Variants in COXFA4 observed in about 807,000 individuals in gnomAD.
COXFA4 encodes the protein cytochrome c oxidase subunit FA4.
At chr7:10,934,797 CAG>C in the COXFA4 span, among the ~76,000 whole-genome samples, 1 of 152,252 alleles carries the variant, frequency 6.6e-6, no homozygotes, top group East Asian at 1.9e-4. Flanking sequence ...CAGACAGATA[CAG>C]ACTTTTATGG....
the COXFA4 span, chr7:10,939,920 T>A: frequency 7.3e-7 from 1 of 1,369,722 alleles, no homozygotes; most frequent in Admixed American, 1.7e-5. Flanking sequence ...GGACGGTAAG[T>A]GGCTGTAAAT....
the COXFA4 span, chr7:10,933,651 T>G: frequency 6.2e-7 from 1 of 1,610,750 alleles, no homozygotes; most frequent in South Asian, 1.1e-5. Context: ...AATCTGGACG[T>G]TCCTTCTTCA....
the COXFA4 span, chr7:10,939,893 G>A: frequency 3.7e-6 from 4 of 1,072,790 alleles, no homozygotes; most frequent in Non-Finnish European, 5.8e-6. Context: ...ACTAGGCGAG[G>A]CAGGGTCTGG....
chr7:10,938,059 C>T, the COXFA4 span: 1 of 1,594,994 alleles, frequency 6.3e-7, no homozygotes, highest in Non-Finnish European at 8.6e-7. Context: ...AACACAATTT[C>T]TAACAACTTT....
chr7:10,933,827 T>A, the COXFA4 span: 2 of 671,256 alleles, frequency 3.0e-6, no homozygotes, highest in Non-Finnish European at 5.1e-6. Context: ...TTTAACAACA[T>A]AAAATCATTC....
the COXFA4 span, chr7:10,937,740 A>G: frequency 4.0e-6 from 1 of 251,692 alleles, no homozygotes; most frequent in African/African-American, 2.2e-5. Context: ...GCCCCACAAA[A>G]GACCAGCTGA....
the COXFA4 span, among the ~76,000 whole-genome samples, chr7:10,934,922 C>A: frequency 6.6e-6 from 1 of 152,218 alleles, no homozygotes; most frequent in Non-Finnish European, 1.5e-5. Flanking sequence ...ACTACTTGTG[C>A]TATCCTCTAA....
the COXFA4 span, among the ~76,000 whole-genome samples, chr7:10,934,988 G>C: frequency 6.6e-6 from 1 of 152,232 alleles, no homozygotes; most frequent in Non-Finnish European, 1.5e-5. Flanking sequence ...TATATATTAA[G>C]GACAGGAAAA....
the COXFA4 span, chr7:10,933,389 T>C: frequency 6.7e-6 from 3 of 447,766 alleles, no homozygotes; most frequent in Non-Finnish European, 1.2e-5. Flanking sequence ...ATTCTTTAAA[T>C]TCTAATAGTT....
the COXFA4 span, chr7:10,938,948 C>T: frequency 2.2e-6 from 3 of 1,345,712 alleles, no homozygotes; most frequent in African/African-American, 2.9e-5. Context: ...AAAACACTGG[C>T]CAACGAGAGA....
At chr7:10,935,495 T>G in the COXFA4 span, among the ~76,000 whole-genome samples, 3 of 152,378 alleles carry the variant, frequency 2.0e-5, no homozygotes, top group Non-Finnish European at 1.5e-5. Context: ...CAAATAATCC[T>G]CTGCTACGGA....
the COXFA4 span, chr7:10,939,016 T>A: frequency 5.8e-3 from 4,327 of 749,504 alleles, 136 homozygotes; most frequent in African/African-American, 0.066. Flanking sequence ...GACTGTTTTG[T>A]CTTAAAATTT....
the COXFA4 span, chr7:10,932,354 CTA>C: frequency 6.6e-6 from 1 of 152,200 alleles, no homozygotes; most frequent in Non-Finnish European, 1.5e-5. Flanking sequence ...TGAAAACACT[CTA>C]CACACTCTAA....
the COXFA4 span, chr7:10,937,997 T>G: frequency 9.9e-7 from 1 of 1,005,372 alleles, no homozygotes; most frequent in Non-Finnish European, 1.6e-6. Context: ...TAATGGAATT[T>G]TACTCGTATA....
the COXFA4 span, among the ~76,000 whole-genome samples, chr7:10,936,411 G>A: frequency 9.2e-5 from 14 of 152,324 alleles, no homozygotes; most frequent in Admixed American, 3.9e-4. Flanking sequence ...CATACCCATA[G>A]ATTCCAATAC....
chr7:10,937,962 C>T, the COXFA4 span: 2 of 757,540 alleles, frequency 2.6e-6, no homozygotes, highest in Non-Finnish European at 4.7e-6. Context: ...CACAGAACTA[C>T]CTAACAGCTC....
chr7:10,938,702 A>T, the COXFA4 span: 3 of 818,894 alleles, frequency 3.7e-6, no homozygotes, highest in African/African-American at 5.0e-5. Flanking sequence ...TATGACTGTA[A>T]ATGTAACATT....
At chr7:10,939,868 A>G in the COXFA4 span, 1 of 907,242 alleles carries the variant, frequency 1.1e-6, no homozygotes, top group Non-Finnish European at 1.8e-6. Flanking sequence ...GCCTGGGACA[A>G]CTAAGATGAC....
the COXFA4 span, among the ~76,000 whole-genome samples, chr7:10,935,045 T>C: frequency 6.6e-6 from 1 of 152,264 alleles, no homozygotes; most frequent in Non-Finnish European, 1.5e-5. Context: ...AGATGCTTTA[T>C]GTATATCTTA....
Sources: allele counts gnomAD v4.1 joint callset (sites outside exome capture counted in the v4.1 genomes callset), GRCh38; gene constraint gnomAD v4.1.1; transcripts MANE v1.5; gene names NCBI Gene and HGNC (gene_info 2026-07-23, HGNC 2026-07-21).